The following RTL4 variants were observed in gnomAD, a reference collection of about 807,000 sequenced individuals.
RTL4 encodes the protein retrotransposon Gag-like protein 4.
In RTL4, 4 loss-of-function variants were observed where a neutral mutation model predicts 5.3. The observed-to-expected ratio is 0.75, with a 90% CI of 0.37 to 1.72. RTL4 has a LOEUF of 1.72. Ranked by LOEUF, RTL4 falls within the 40% of genes most tolerant of loss-of-function variation. The pLI is 0.04. For synonymous variants in RTL4, 98 were observed against 87.3 expected (o/e 1.12, Z -0.68); for missense variants, 260 against 227.1 (o/e 1.14, Z -0.93).
chrX:112,329,704 C>G, the RTL4 span, among the ~76,000 whole-genome samples: 8 of 109,973 alleles, frequency 7.3e-5, no homozygotes, highest in Non-Finnish European at 1.5e-4. Context: ...GAGACACAAC[C>G]AAAAAAGAGA....
At chrX:112,165,136 T>C in the RTL4 span, among the ~76,000 whole-genome samples, 620 of 112,021 alleles carry the variant, frequency 5.5e-3, 4 homozygotes, top group African/African-American at 0.019. Flanking sequence ...CGCGCGGTCA[T>C]GGCTATCCTT....
chrX:112,112,769 C>T, the RTL4 span, among the ~76,000 whole-genome samples: 3 of 111,556 alleles, frequency 2.7e-5, no homozygotes, highest in Non-Finnish European at 5.6e-5. Context: ...GAGGGCTATC[C>T]CTAAACCCTT....
the RTL4 span, among the ~76,000 whole-genome samples, chrX:112,111,699 A>G: frequency 3.6e-5 from 4 of 112,360 alleles, no homozygotes; most frequent in Non-Finnish European, 7.5e-5. Flanking sequence ...GAAGAGGCTT[A>G]CTTTTAGGTA....
At chrX:112,310,584 C>A in the RTL4 span, among the ~76,000 whole-genome samples, 29 of 9,654 alleles carry the variant, frequency 3.0e-3, 2 homozygotes, top group African/African-American at 6.8e-3. Context: ...TATAATATTT[C>A]TATATTATAT....
chrX:112,443,056 T>C, the RTL4 span, among the ~76,000 whole-genome samples: 6 of 111,674 alleles, frequency 5.4e-5, no homozygotes, highest in Admixed American at 9.5e-5. Flanking sequence ...CATCCTCACC[T>C]CCACCAACAA....
the RTL4 span, among the ~76,000 whole-genome samples, chrX:112,116,244 C>T: frequency 1.7e-3 from 195 of 111,710 alleles, no homozygotes; most frequent in Non-Finnish European, 2.6e-3. Flanking sequence ...CACCACTTGG[C>T]GATAGTCCCT....
chrX:112,393,073 A>C, the RTL4 span, among the ~76,000 whole-genome samples: 1 of 110,576 alleles, frequency 9.0e-6, no homozygotes, highest in East Asian at 2.9e-4. Context: ...AGTGAAGAGG[A>C]ATGGGATTGG....
the RTL4 span, among the ~76,000 whole-genome samples, chrX:112,131,192 A>T: frequency 6.0e-5 from 6 of 100,564 alleles, no homozygotes; most frequent in Non-Finnish European, 1.2e-4. Flanking sequence ...TTAAATTAGA[A>T]TAAAAACATC....
At chrX:112,093,501 T>C in the RTL4 span, among the ~76,000 whole-genome samples, 2 of 111,693 alleles carry the variant, frequency 1.8e-5, no homozygotes, top group Non-Finnish European at 3.8e-5. Context: ...TTTAATCATC[T>C]TTCAAGAGAG....
At chrX:112,445,736 G>A in the RTL4 span, among the ~76,000 whole-genome samples, 2 of 111,769 alleles carry the variant, frequency 1.8e-5, no homozygotes, top group Non-Finnish European at 3.8e-5. Context: ...TCCATGCTCA[G>A]TGAGGGCTCA....
At chrX:112,379,318 T>A in the RTL4 span, among the ~76,000 whole-genome samples, 2 of 112,125 alleles carry the variant, frequency 1.8e-5, no homozygotes, top group African/African-American at 6.5e-5. Context: ...CCCTAATAAG[T>A]AGATTACATA....
chrX:112,349,163 T>C, the RTL4 span, among the ~76,000 whole-genome samples: 2,640 of 110,947 alleles, frequency 0.024, 42 homozygotes, highest in African/African-American at 0.048. Context: ...ATTTTAAACA[T>C]TTATATACAA....
At chrX:112,134,793 G>A in the RTL4 span, among the ~76,000 whole-genome samples, 988 of 111,826 alleles carry the variant, frequency 8.8e-3, 21 homozygotes, top group African/African-American at 0.03. Flanking sequence ...TTTTATGTAA[G>A]TGGAATCTTA....
At chrX:112,164,924 C>T in the RTL4 span, among the ~76,000 whole-genome samples, 41 of 111,949 alleles carry the variant, frequency 3.7e-4, no homozygotes, top group Non-Finnish European at 6.4e-4. Context: ...TTTCTCCTGC[C>T]GGATCTCCTA....
chrX:112,431,120 C>A, the RTL4 span, among the ~76,000 whole-genome samples: 1 of 110,484 alleles, frequency 9.1e-6, no homozygotes, highest in African/African-American at 3.3e-5. Flanking sequence ...TTAGGTACCA[C>A]AGGATGACTG....
chrX:112,215,347 G>A, the RTL4 span, among the ~76,000 whole-genome samples: 8 of 111,198 alleles, frequency 7.2e-5, no homozygotes, highest in Admixed American at 2.9e-4. Context: ...GCACTATTTC[G>A]AGTACCTTTT....
At chrX:112,287,798 A>G in the RTL4 span, among the ~76,000 whole-genome samples, 2 of 112,062 alleles carry the variant, frequency 1.8e-5, no homozygotes, top group African/African-American at 3.2e-5. Flanking sequence ...GAAAACACCT[A>G]TGAGAGAAAA....
At chrX:112,448,846 G>T in the RTL4 span, among the ~76,000 whole-genome samples, 1 of 111,946 alleles carries the variant, frequency 8.9e-6, no homozygotes, top group Non-Finnish European at 1.9e-5. Flanking sequence ...TTGCAGTAAA[G>T]ATGGGATGAA....
the RTL4 span, among the ~76,000 whole-genome samples, chrX:112,369,571 G>A: frequency 9.0e-6 from 1 of 111,577 alleles, no homozygotes; most frequent in Non-Finnish European, 1.9e-5. Flanking sequence ...TATATTGGGG[G>A]GTGGAAGAAT....
Sources: gnomAD v4.1 joint callset for allele counts (sites outside exome capture counted in the v4.1 genomes callset) on GRCh38, gnomAD v4.1.1 for gene constraint, MANE v1.5 for transcripts, NCBI Gene and HGNC (gene_info 2026-07-23, HGNC 2026-07-21) for gene names.